PSD3: variants seen among roughly 807,000 people sequenced by gnomAD.
PSD3 encodes pleckstrin and Sec7 domain containing 3, also known as PH and SEC7 domain-containing protein 3.
A neutral mutation model predicts 105.5 loss-of-function variants in PSD3; 49 were observed. The ratio of observed to expected loss-of-function variants is 0.46; its 90% CI spans 0.37 to 0.59. The LOEUF is 0.59. Among genes scored for constraint, PSD3 ranks in the 20% least tolerant of loss-of-function variants. PSD3 has a pLI of 0.00. For synonymous variants in PSD3, 557 were observed against 457.8 expected, an observed-to-expected ratio of 1.22 and a Z score of -2.77; for missense variants, 1,561 against 1,263.8, an observed-to-expected ratio of 1.24 and a Z score of -3.57.
chr8:18,883,432 C>T (rs974693991), intron 2 of PSD3, among the ~76,000 whole-genome samples: 4 of 152,146 alleles, frequency 2.6e-5, no homozygotes, highest in African/African-American at 9.7e-5. Context: ...AAGAGAATTG[C>T]CTCTGCTGTA....
At chr8:18,777,236 T>C (rs1808189429) in intron 8 of PSD3, among the ~76,000 whole-genome samples, 1 of 151,986 alleles carries the variant, frequency 6.6e-6, no homozygotes, top group African/African-American at 2.4e-5. Flanking sequence ...AGAGACAGGG[T>C]TTCACCATGT....
chr8:18,791,737 A>G (rs1379935799), intron 8 of PSD3, among the ~76,000 whole-genome samples: 1 of 152,254 alleles, frequency 6.6e-6, no homozygotes, highest in Non-Finnish European at 1.5e-5. Context: ...ACGGGATCCA[A>G]TCAAACTGAA....
intron 10 of PSD3, among the ~76,000 whole-genome samples, chr8:18,637,181 T>G (rs1045059323): frequency 6.6e-6 from 1 of 152,238 alleles, no homozygotes; most frequent in African/African-American, 2.4e-5. Flanking sequence ...ACAGTGTTTG[T>G]GTACATTTCT....
chr8:18,666,932 T>A (rs968787867), intron 9 of PSD3, among the ~76,000 whole-genome samples: 1 of 152,184 alleles, frequency 6.6e-6, no homozygotes, highest in South Asian at 2.1e-4. Flanking sequence ...GCGGTCAGTG[T>A]TACAGTTCTT....
At chr8:18,829,840 A>G (rs1563321674) in intron 4 of PSD3, among the ~76,000 whole-genome samples, 1 of 152,232 alleles carries the variant, frequency 6.6e-6, no homozygotes, top group Non-Finnish European at 1.5e-5. Context: ...GTAAAAAGAC[A>G]TTTTTAAAAG....
intron 9 of PSD3, among the ~76,000 whole-genome samples, chr8:18,667,657 C>T (rs1280330341): frequency 6.6e-6 from 1 of 152,240 alleles, no homozygotes; most frequent in African/African-American, 2.4e-5. Context: ...CAGAGCTGCC[C>T]GCCAGTCCCG....
intron 1 of PSD3, among the ~76,000 whole-genome samples, chr8:19,013,183 C>T (rs1373042483): frequency 1.3e-5 from 2 of 151,978 alleles, no homozygotes; most frequent in Non-Finnish European, 2.9e-5. Context: ...TTAGTTTAGT[C>T]TTTTTTTCTT....
intron 1 of PSD3, among the ~76,000 whole-genome samples, chr8:18,968,133 G>A (rs1824399784): frequency 6.6e-6 from 1 of 152,128 alleles, no homozygotes; most frequent in South Asian, 2.1e-4. Flanking sequence ...AATTGCCAGA[G>A]AAGGAAATTC....
chr8:18,814,364 C>G (rs1469495464), intron 4 of PSD3, among the ~76,000 whole-genome samples: 3 of 152,218 alleles, frequency 2.0e-5, no homozygotes, highest in African/African-American at 4.8e-5. Context: ...CCCAAACTCA[C>G]TGTATGAGTC....
intron 1 of PSD3, among the ~76,000 whole-genome samples, chr8:19,027,865 C>T (rs542931995): frequency 6.6e-6 from 1 of 152,138 alleles, no homozygotes; most frequent in East Asian, 1.9e-4. Flanking sequence ...GAGTACTGTC[C>T]AGTTTTGGCT....
At chr8:18,626,795 A>G (rs2130740902) in intron 11 of PSD3, among the ~76,000 whole-genome samples, 1 of 152,264 alleles carries the variant, frequency 6.6e-6, no homozygotes, top group South Asian at 2.1e-4. Flanking sequence ...TGAAAATCCA[A>G]CAAATGAGGT....
intron 15 of PSD3, among the ~76,000 whole-genome samples, chr8:18,546,349 G>T (rs572536332): frequency 6.6e-6 from 1 of 152,036 alleles, no homozygotes; most frequent in South Asian, 2.1e-4. Context: ...CCTTTAAATG[G>T]GAAGTATCAT....
At chr8:19,039,392 G>C (rs1344842159) in intron 1 of PSD3, among the ~76,000 whole-genome samples, 1 of 152,132 alleles carries the variant, frequency 6.6e-6, no homozygotes, top group Non-Finnish European at 1.5e-5. Context: ...AGCTCAGCAT[G>C]TCCCAAGCTG....
intron 8 of PSD3, among the ~76,000 whole-genome samples, chr8:18,790,459 T>C (rs335252): frequency 0.069 from 10,548 of 151,860 alleles, 483 homozygotes; most frequent in African/African-American, 0.12. Context: ...CCCGCCACCA[T>C]GCCTGGCTAA....
At chr8:18,944,524 T>C (rs7841390) in intron 1 of PSD3, among the ~76,000 whole-genome samples, 42,539 of 151,662 alleles carry the variant, frequency 0.28, 6,858 homozygotes, top group Middle Eastern at 0.5. Flanking sequence ...TGAGCCAAGA[T>C]TGAGCCACTG....
chr8:18,542,698 C>A (rs1020963950), intron 15 of PSD3, among the ~76,000 whole-genome samples: 13 of 152,232 alleles, frequency 8.5e-5, no homozygotes, highest in African/African-American at 2.9e-4. Flanking sequence ...AGTCAAGTAG[C>A]CTGTTGTTGA....
chr8:18,588,548 C>A (rs1324790764), intron 12 of PSD3, among the ~76,000 whole-genome samples: 1 of 151,956 alleles, frequency 6.6e-6, no homozygotes, highest in South Asian at 2.2e-4. Flanking sequence ...AACAATAACC[C>A]ATGATTCTAC....
At chr8:18,667,069 TTTGTG>T (rs776683731) in intron 9 of PSD3, among the ~76,000 whole-genome samples, 11 of 152,134 alleles carry the variant, frequency 7.2e-5, no homozygotes, top group Non-Finnish European at 1.0e-4. Context: ...GCTGCAGACC[TTTGTG>T]TTGAGTGTTA....
chr8:19,071,205 G>T (rs942895641), intron 1 of PSD3, among the ~76,000 whole-genome samples: 6 of 152,036 alleles, frequency 3.9e-5, no homozygotes, highest in African/African-American at 1.4e-4. Flanking sequence ...GATTACAGGT[G>T]TGCACCACCA....
Sources: gnomAD v4.1 joint callset for allele counts (sites outside exome capture counted in the v4.1 genomes callset) on GRCh38, gnomAD v4.1.1 for gene constraint, MANE v1.5 for transcripts, NCBI Gene and HGNC (gene_info 2026-07-23, HGNC 2026-07-21) for gene names.